The following KIF26B variants were observed in gnomAD, a reference collection of about 807,000 sequenced individuals.
KIF26B encodes kinesin family member 26B, also known as kinesin-like protein KIF26B.
KIF26B carries 63 observed loss-of-function variants against 151.2 expected under a neutral mutation model. That is an observed-to-expected ratio of 0.42 (90% CI 0.34 to 0.51). The LOEUF (loss-of-function observed/expected upper bound fraction) is 0.51. Ranked by LOEUF, KIF26B falls within the 20% of genes least tolerant of loss-of-function variation. KIF26B has a pLI of 0.07. For synonymous variants in KIF26B, 1,357 were observed against 1,262.1 expected (o/e 1.08, Z -1.59); for missense variants, 2,813 against 2,913.6 (o/e 0.97, Z 0.79).
At chr1:245,558,141 G>A (rs1033698448) in intron 5 of KIF26B, among the ~76,000 whole-genome samples, 3 of 152,130 alleles carry the variant, frequency 2.0e-5, no homozygotes, top group Admixed American at 2.0e-4. Flanking sequence ...GTAGGGGACT[G>A]AGCTTGGAGA....
At chr1:245,342,099 C>T (rs933000844) in intron 2 of KIF26B, among the ~76,000 whole-genome samples, 9 of 152,164 alleles carry the variant, frequency 5.9e-5, no homozygotes, top group African/African-American at 2.2e-4. Context: ...GGAAAACATC[C>T]CCAAACCTTG....
intron 2 of KIF26B, among the ~76,000 whole-genome samples, chr1:245,356,262 A>G (rs1323006101): frequency 2.0e-5 from 3 of 152,202 alleles, no homozygotes; most frequent in East Asian, 3.9e-4. Context: ...AGGGATAAAA[A>G]TTCCTAAGAA....
At chr1:245,644,759 A>G (rs1352154323) in intron 9 of KIF26B, among the ~76,000 whole-genome samples, 2 of 152,118 alleles carry the variant, frequency 1.3e-5, no homozygotes, top group Admixed American at 6.5e-5. Flanking sequence ...ATTATCTCCA[A>G]TCTTTTTAGG....
chr1:245,259,456 T>G (rs887062851), intron 2 of KIF26B, among the ~76,000 whole-genome samples: 1 of 152,012 alleles, frequency 6.6e-6, no homozygotes, highest in African/African-American at 2.4e-5. Context: ...CCTTGTCAGA[T>G]CAGTTGTCAT....
At chr1:245,364,825 C>G (rs1672905734) in intron 2 of KIF26B, among the ~76,000 whole-genome samples, 1 of 151,776 alleles carries the variant, frequency 6.6e-6, no homozygotes, top group African/African-American at 2.4e-5. Context: ...TTTTTGAAGC[C>G]AAACAGTTTG....
At chr1:245,532,046 C>G (rs1483078732) in intron 4 of KIF26B, among the ~76,000 whole-genome samples, 3 of 151,988 alleles carry the variant, frequency 2.0e-5, no homozygotes, top group African/African-American at 4.8e-5. Flanking sequence ...TATGATCATG[C>G]CACAGCACTC....
At chr1:245,216,769 G>T (rs1175541897) in intron 2 of KIF26B, among the ~76,000 whole-genome samples, 2 of 152,186 alleles carry the variant, frequency 1.3e-5, no homozygotes, top group African/African-American at 2.4e-5. Flanking sequence ...TTCGCAAATT[G>T]GTTCTTTCTG....
intron 2 of KIF26B, among the ~76,000 whole-genome samples, chr1:245,295,737 A>C (rs959586407): frequency 6.6e-6 from 1 of 152,194 alleles, no homozygotes; most frequent in African/African-American, 2.4e-5. Flanking sequence ...GACTAGAACT[A>C]ATTGGAAGTA....
intron 4 of KIF26B, among the ~76,000 whole-genome samples, chr1:245,430,938 G>A (rs1347086324): frequency 6.6e-6 from 1 of 152,154 alleles, no homozygotes; most frequent in Non-Finnish European, 1.5e-5. Context: ...TATAAGGTGG[G>A]GACATTTGTG....
chr1:245,247,769 A>C (rs1226151049), intron 2 of KIF26B, among the ~76,000 whole-genome samples: 4 of 152,238 alleles, frequency 2.6e-5, no homozygotes, highest in Non-Finnish European at 5.9e-5. Flanking sequence ...GCCTTGCCCC[A>C]GAACAATTAA....
chr1:245,263,453 G>A (rs889966704), intron 2 of KIF26B, among the ~76,000 whole-genome samples: 2 of 152,168 alleles, frequency 1.3e-5, no homozygotes, highest in Non-Finnish European at 2.9e-5. Context: ...GCATTGACAC[G>A]CTCTAGTGAG....
rs1437649231 is a variant in KIF26B, at chr1:245,702,657, A to T, written c.*51A>T. 3.2e-6 allele frequency: 5 copies of T among 1,584,348 alleles called. No homozygotes were observed. The highest frequency in any genetic ancestry group is 4.3e-6 in the Non-Finnish European group (5 of 1,162,694). On this transcript the variant is annotated 3_prime_UTR_variant, in exon 15 of 15. Transcript: ENST00000407071. The surrounding 1 kb of genome is among the most constrained non-coding windows in gnomAD (Gnocchi z 4.1). ...TCCCCCGCTCCCCAGGACTTCAGAG[A>T]TGTTGCACGCCCCTAGGCCCTCTGT... is the stretch of plus-strand genomic sequence containing the variant.
At chr1:245,432,111 A>T (rs573584301) in intron 4 of KIF26B, among the ~76,000 whole-genome samples, 11 of 150,274 alleles carry the variant, frequency 7.3e-5, no homozygotes, top group Admixed American at 7.3e-4. Flanking sequence ...CAATAATCCC[A>T]CCTGTGCACC....
intron 4 of KIF26B, among the ~76,000 whole-genome samples, chr1:245,496,828 AAG>A (rs1400378663): frequency 6.6e-6 from 1 of 152,116 alleles, no homozygotes; most frequent in African/African-American, 2.4e-5. Context: ...TAAGGACAAA[AAG>A]AAGTTGAAGA....
intron 2 of KIF26B, among the ~76,000 whole-genome samples, chr1:245,337,667 TAATA>T (rs1170425988): frequency 2.6e-5 from 4 of 152,198 alleles, no homozygotes; most frequent in South Asian, 2.1e-4. Context: ...TTTATTGAAT[TAATA>T]AATAAATGAC....
chr1:245,510,991 AT>A, intron 4 of KIF26B: 1 of 677,878 alleles, frequency 1.5e-6, no homozygotes, highest in Non-Finnish European at 2.7e-6. Context: ...CCTTCGCACA[AT>A]TTTACTTTCT....
At position 245,686,061 on chromosome 1, in the gene KIF26B, G is replaced by A. The variant is rs375309022; in HGVS notation, c.3078G>A (p.Pro1026=). The change falls in exon 12 of 15, where the codon CCG becomes CCA. Residue 1026 remains proline, a synonymous_variant. Coordinates refer to ENST00000407071, the MANE Select transcript of KIF26B (RefSeq NM_018012.4). This position sits in a 1 kb window ranked among gnomAD's most constrained non-coding sequence, Gnocchi z 5.6. ...SPSPASPRSV[P]GSSSQHSASP... ...GCCCGGCCTCACCCAGGAGCGTCCC[G>A]GGCAGCAGTAGCCAGCACAGCGCCT... is the stretch of plus-strand genomic sequence containing the variant. 101 of 1,596,664 alleles carry A rather than the reference G, an allele frequency of 6.3e-5. No individual in the cohort carries two copies. Among genetic ancestry groups the A allele is most frequent in the Non-Finnish European group, 7.7e-5 (90 of 1,172,466 alleles).
chr1:245,448,281 C>G (rs1481516946), intron 4 of KIF26B, among the ~76,000 whole-genome samples: 1 of 152,186 alleles, frequency 6.6e-6, no homozygotes, highest in Non-Finnish European at 1.5e-5. Flanking sequence ...GATCTTGGCT[C>G]ACTGCAACCT....
intron 3 of KIF26B, among the ~76,000 whole-genome samples, chr1:245,374,318 A>C (rs1376386785): frequency 6.6e-6 from 1 of 150,546 alleles, no homozygotes. Flanking sequence ...GAGGCCCACC[A>C]AGTGCTGTTG....
Sources: gnomAD v4.1 joint callset for allele counts (sites outside exome capture counted in the v4.1 genomes callset) on GRCh38, gnomAD v4.1.1 for gene constraint, Gnocchi (gnomAD v3.1) non-coding constraint, MANE v1.5 for transcripts, NCBI Gene and HGNC (gene_info 2026-07-23, HGNC 2026-07-21) for gene names.